The following PARD3 variants were observed in gnomAD, a reference collection of about 807,000 sequenced individuals.
PARD3 encodes par-3 family cell polarity regulator.
PARD3 carries 75 observed loss-of-function variants against 155.4 expected under a neutral mutation model. The ratio of observed to expected loss-of-function variants is 0.48; its 90% confidence interval spans 0.40 to 0.58. The LOEUF is 0.58. PARD3 is among the 20% of genes least tolerant of loss of function. The pLI, the probability that PARD3 is intolerant of heterozygous loss-of-function variation, is 0.00. For missense variants in PARD3, 1,642 were observed against 1,721.7 expected, an observed-to-expected ratio of 0.95 and a Z score of 0.82; for synonymous variants, 576 against 610.5, an observed-to-expected ratio of 0.94 and a Z score of 0.83.
intron 5 of PARD3, among the ~76,000 whole-genome samples, chr10:34,444,400 C>A (rs539214929): frequency 3.3e-5 from 5 of 152,198 alleles, no homozygotes; most frequent in African/African-American, 4.8e-5. Context: ...CTGCCAATAT[C>A]AAACTATATT....
At chr10:34,519,316 T>C (rs1013980560) in intron 2 of PARD3, among the ~76,000 whole-genome samples, 9 of 152,322 alleles carry the variant, frequency 5.9e-5, no homozygotes, top group African/African-American at 1.4e-4. Flanking sequence ...TCTATGATTA[T>C]GTAAAATGTT....
chr10:34,671,718 A>G (rs1182932639), intron 2 of PARD3, among the ~76,000 whole-genome samples: 1 of 152,238 alleles, frequency 6.6e-6, no homozygotes, highest in Non-Finnish European at 1.5e-5. Flanking sequence ...TTCTTTTCAC[A>G]GTTAATGTAA....
At chr10:34,670,329 G>A (rs2093588365) in intron 2 of PARD3, among the ~76,000 whole-genome samples, 1 of 152,224 alleles carries the variant, frequency 6.6e-6, no homozygotes, top group Non-Finnish European at 1.5e-5. Context: ...GCCGCCGCTG[G>A]CTCTCAGGCA....
intron 1 of PARD3, among the ~76,000 whole-genome samples, chr10:34,774,713 T>G (rs940979807): frequency 1.4e-5 from 2 of 141,830 alleles, no homozygotes; most frequent in Non-Finnish European, 3.2e-5. Context: ...CTTATACCAA[T>G]AAAACATCCT....
At chr10:34,206,178 G>C (rs1951472112) in intron 22 of PARD3, among the ~76,000 whole-genome samples, 1 of 152,178 alleles carries the variant, frequency 6.6e-6, no homozygotes. Context: ...TGCAGGTGTG[G>C]AAGGTGGCTG....
At chr10:34,730,398 T>G (rs949930048) in intron 1 of PARD3, among the ~76,000 whole-genome samples, 6 of 152,172 alleles carry the variant, frequency 3.9e-5, no homozygotes, top group Non-Finnish European at 5.9e-5. Flanking sequence ...TGTACAGCTA[T>G]AAATTTACAT....
chr10:34,768,435 G>A (rs1216302296), intron 1 of PARD3, among the ~76,000 whole-genome samples: 2 of 152,188 alleles, frequency 1.3e-5, no homozygotes, highest in East Asian at 3.8e-4. Flanking sequence ...AGTTGGGAAG[G>A]GGCTTCCAGG....
chr10:34,628,768 G>A (rs1449665192), intron 2 of PARD3, among the ~76,000 whole-genome samples: 2 of 152,160 alleles, frequency 1.3e-5, no homozygotes, highest in African/African-American at 2.4e-5. Flanking sequence ...TTTAGAGAGT[G>A]AGGCAGTGAA....
intron 24 of PARD3, among the ~76,000 whole-genome samples, chr10:34,115,530 A>G (rs1475700023): frequency 6.6e-6 from 1 of 152,168 alleles, no homozygotes; most frequent in Non-Finnish European, 1.5e-5. Flanking sequence ...CATGGTAGGT[A>G]TAGTTAATAA....
chr10:34,608,294 C>T (rs189656650), intron 2 of PARD3, among the ~76,000 whole-genome samples: 2 of 152,154 alleles, frequency 1.3e-5, no homozygotes, highest in Non-Finnish European at 1.5e-5. Flanking sequence ...AATTACTACC[C>T]GCACCCATAG....
At chr10:34,622,258 C>T (rs377758963) in intron 2 of PARD3, among the ~76,000 whole-genome samples, 9 of 152,066 alleles carry the variant, frequency 5.9e-5, no homozygotes, top group South Asian at 2.1e-4. Context: ...TCTGAAGAAA[C>T]GAATTTGTTC....
At chr10:34,287,463 ACT>A (rs1362248606) in intron 20 of PARD3, among the ~76,000 whole-genome samples, 5 of 152,076 alleles carry the variant, frequency 3.3e-5, no homozygotes, top group Non-Finnish European at 7.4e-5. Flanking sequence ...AGAACAATCT[ACT>A]CTCTATCTGT....
chr10:34,432,337 T>TACACATACAC (rs2075982963), intron 5 of PARD3, among the ~76,000 whole-genome samples: 1 of 143,456 alleles, frequency 7.0e-6, no homozygotes, highest in East Asian at 2.1e-4. Flanking sequence ...CACGTGCACA[T>TACACATACAC]ACACACACAC....
At chr10:34,252,991 A>G (rs762172512) in intron 22 of PARD3, among the ~76,000 whole-genome samples, 9 of 152,196 alleles carry the variant, frequency 5.9e-5, no homozygotes, top group Non-Finnish European at 1.2e-4. Flanking sequence ...GGATAACGCT[A>G]TATTTACATC....
intron 22 of PARD3, among the ~76,000 whole-genome samples, chr10:34,157,252 T>G (rs1388441600): frequency 6.6e-6 from 1 of 152,204 alleles, no homozygotes; most frequent in Non-Finnish European, 1.5e-5. Flanking sequence ...CTGAGTCAGA[T>G]GCATCCACAC....
In PARD3 at chr10:34,374,322, T is replaced by C. The variant is rs74134116; in HGVS notation, c.1668+552A>G. On this transcript the variant is annotated intron_variant, in intron 11 of 24. Coordinates refer to ENST00000374788, the MANE Select transcript of PARD3 (RefSeq NM_001184785.2). ...AATGCCTTTTCATTTCCTTCATTTA[T>C]GTCATCCTAAGTAACATGACCTATA... Among the ~76,000 whole-genome samples the C allele has an allele frequency of 5.9e-3, 904 of 152,312 alleles. 8 individuals are homozygous for C. Among genetic ancestry groups the C allele is most frequent in the African/African-American group, 0.02 (832 of 41,586 alleles).
At chr10:34,507,693 C>A (rs2081171432) in intron 3 of PARD3, among the ~76,000 whole-genome samples, 1 of 152,112 alleles carries the variant, frequency 6.6e-6, no homozygotes, top group African/African-American at 2.4e-5. Flanking sequence ...ACCAACCCTG[C>A]AATTAGCTAG....
At position 34,474,014 on chromosome 10, in the gene PARD3, C is replaced by A. The variant is rs537350850; in HGVS notation, c.404-3751G>T. ...AACACAAGGACCTTTATGGGCTAAG[C>A]CCCACTGTGGGGCTCACATGTCCTG... is the stretch of plus-strand genomic sequence containing the variant. On this transcript the variant is annotated intron_variant, in intron 3 of 24. Coordinates refer to ENST00000374788, the MANE Select transcript of PARD3 (RefSeq NM_001184785.2). 5.9e-5 allele frequency among the ~76,000 whole-genome samples: 9 copies of A among 152,260 alleles called. No homozygotes were observed. In the East Asian group the frequency reaches 9.7e-4, roughly 16 times the overall value.
At chr10:34,287,200 A>C (rs1367565692) in intron 20 of PARD3, among the ~76,000 whole-genome samples, 1 of 152,214 alleles carries the variant, frequency 6.6e-6, no homozygotes, top group African/African-American at 2.4e-5. Context: ...CTCCAAGTAT[A>C]AGATGTACAA....
Sources: gnomAD v4.1 joint callset for allele counts (sites outside exome capture counted in the v4.1 genomes callset) on GRCh38, gnomAD v4.1.1 for gene constraint, MANE v1.5 for transcripts, NCBI Gene and HGNC (gene_info 2026-07-23, HGNC 2026-07-21) for gene names.